The following SHISAL1 variants were observed in gnomAD, a reference collection of about 807,000 sequenced individuals.
SHISAL1 encodes the protein protein shisa-like-1.
SHISAL1 carries 9 observed loss-of-function variants against 22.6 expected under a neutral mutation model. That is an observed-to-expected ratio of 0.40 (90% CI 0.24 to 0.70). The LOEUF (loss-of-function observed/expected upper bound fraction) is 0.70, where lower values mean the gene tolerates loss of function less well. SHISAL1 is among the 30% of genes least tolerant of loss of function. The probability of loss-of-function intolerance (pLI) is 0.39; values close to 1 mark genes in which losing one functional copy is unlikely to be tolerated. For missense variants in SHISAL1, 246 were observed against 270.6 expected (o/e 0.91, Z 0.64); for synonymous variants, 119 against 115.4 (o/e 1.03, Z -0.20).
At chr22:44,263,079 C>CTTTATT (rs55901041) in intron 4 of SHISAL1, among the ~76,000 whole-genome samples, 1 of 88,252 alleles carries the variant, frequency 1.1e-5, no homozygotes, top group Admixed American at 1.4e-4. Context: ...TTCTTTCTTT[C>CTTTATT]TTTTTTTTTT....
chr22:44,289,459 A>G (rs2147293729), intron 3 of SHISAL1, among the ~76,000 whole-genome samples: 1 of 123,522 alleles, frequency 8.1e-6, no homozygotes, highest in African/African-American at 3.1e-5. Context: ...TCAGTGTGTC[A>G]TTGTAAATGT....
At chr22:44,301,987 T>C (rs1601802816) in intron 1 of SHISAL1, among the ~76,000 whole-genome samples, 4 of 151,992 alleles carry the variant, frequency 2.6e-5, no homozygotes, top group East Asian at 1.9e-4. Flanking sequence ...TGGAGGTGCA[T>C]GGTGGGGAGG....
At chr22:44,291,236 A>G (rs1164778426) in intron 3 of SHISAL1, among the ~76,000 whole-genome samples, 1 of 152,218 alleles carries the variant, frequency 6.6e-6, no homozygotes, top group Admixed American at 6.5e-5. Flanking sequence ...TGCTTTACAC[A>G]TAGAACCAAA....
chr22:44,328,091 G>A, the SHISAL1 span, among the ~76,000 whole-genome samples: 42 of 152,146 alleles, frequency 2.8e-4, no homozygotes, highest in Non-Finnish European at 5.6e-4. Flanking sequence ...AAGAAGGGAG[G>A]GGATAGCTTT....
At chr22:44,287,774 G>C (rs75308620) in intron 3 of SHISAL1, among the ~76,000 whole-genome samples, 8 of 152,276 alleles carry the variant, frequency 5.3e-5, no homozygotes, top group East Asian at 1.9e-4. Context: ...AGGTGTCCCC[G>C]GGGTAGATGT....
the SHISAL1 span, among the ~76,000 whole-genome samples, chr22:44,319,500 AG>A: frequency 6.6e-6 from 1 of 152,250 alleles, no homozygotes; most frequent in Non-Finnish European, 1.5e-5. Flanking sequence ...TCCCTCTCCC[AG>A]TGACAGGTGA....
intron 4 of SHISAL1, among the ~76,000 whole-genome samples, chr22:44,250,178 G>A (rs1248819202): frequency 2.0e-5 from 3 of 152,276 alleles, no homozygotes; most frequent in South Asian, 2.1e-4. Flanking sequence ...TTTTAATGTT[G>A]TTCCCCTTTT....
chr22:44,296,279 C>T (rs1400474427), intron 3 of SHISAL1, among the ~76,000 whole-genome samples: 1 of 152,168 alleles, frequency 6.6e-6, no homozygotes, highest in Non-Finnish European at 1.5e-5. Context: ...CCTGCCTCAG[C>T]CTCCTGAGTA....
At chr22:44,266,344 T>C (rs766621205) in intron 4 of SHISAL1, among the ~76,000 whole-genome samples, 6 of 150,006 alleles carry the variant, frequency 4.0e-5, no homozygotes, top group Non-Finnish European at 7.4e-5. Context: ...GCCACCTAGA[T>C]GGATGGGGAT....
At chr22:44,268,501 C>A (rs2055181215) in intron 4 of SHISAL1, among the ~76,000 whole-genome samples, 1 of 152,118 alleles carries the variant, frequency 6.6e-6, no homozygotes, top group Non-Finnish European at 1.5e-5. Flanking sequence ...ACACGGCCTG[C>A]CTGAGGTTAA....
chr22:44,258,840 G>A (rs1440852886), intron 4 of SHISAL1, among the ~76,000 whole-genome samples: 5 of 152,164 alleles, frequency 3.3e-5, no homozygotes, highest in South Asian at 2.1e-4. Context: ...TGCATAATTT[G>A]AGCATCACAC....
chr22:44,298,559 C>G (rs1173449245), intron 2 of SHISAL1, among the ~76,000 whole-genome samples: 1 of 152,222 alleles, frequency 6.6e-6, no homozygotes, highest in African/African-American at 2.4e-5. Context: ...GTGAGGAGGC[C>G]CTGCTCACGC....
the SHISAL1 span, among the ~76,000 whole-genome samples, chr22:44,320,745 G>A: frequency 2.6e-5 from 4 of 152,188 alleles, no homozygotes; most frequent in African/African-American, 4.8e-5. Flanking sequence ...GGACCTGCAG[G>A]TGATGGAGGA....
At chr22:44,277,132 G>A (rs933605327) in intron 4 of SHISAL1, among the ~76,000 whole-genome samples, 8 of 152,322 alleles carry the variant, frequency 5.3e-5, no homozygotes, top group African/African-American at 1.7e-4. Flanking sequence ...GCTTAGTCTG[G>A]TGGACCGTGA....
chr22:44,252,368 G>C (rs2055053853), intron 4 of SHISAL1, among the ~76,000 whole-genome samples: 2 of 152,096 alleles, frequency 1.3e-5, no homozygotes, highest in Non-Finnish European at 1.5e-5. Context: ...AATAAATGTT[G>C]TCTAGAGAAA....
chr22:44,313,986 G>A (rs1023656044), upstream of SHISAL1, among the ~76,000 whole-genome samples: 3 of 152,174 alleles, frequency 2.0e-5, no homozygotes, highest in African/African-American at 4.8e-5. Context: ...GGCTATGGGC[G>A]CCCAGAGTGC....
chr22:44,325,320 A>G, the SHISAL1 span, among the ~76,000 whole-genome samples: 4 of 151,530 alleles, frequency 2.6e-5, no homozygotes, highest in Admixed American at 2.0e-4. Flanking sequence ...GGGACTTGGG[A>G]TGATGCCAGG....
At chr22:44,305,869 G>A (rs1353298188) in intron 1 of SHISAL1, among the ~76,000 whole-genome samples, 2 of 152,190 alleles carry the variant, frequency 1.3e-5, no homozygotes, top group African/African-American at 4.8e-5. Flanking sequence ...TCTGGATGAA[G>A]GGGTCTGGGG....
rs1026536523 is a variant in SHISAL1 at position 44,312,207 on chromosome 22, A to G, written c.-33+544T>C. On this transcript the variant is annotated intron_variant, in intron 1 of 4. Transcript: ENST00000381176. ...GGCCAATGCATTCATTTGTTCGTTC[A>G]TTCATTCATTCATTCATCTATTCAC... 3.7e-4 allele frequency among the ~76,000 whole-genome samples: 57 copies of G among 152,274 alleles called. 1 individual carries two copies. Among genetic ancestry groups the G allele is most frequent in the African/African-American group, 1.2e-3 (50 of 41,544 alleles).
Sources: gnomAD v4.1 joint callset for allele counts (sites outside exome capture counted in the v4.1 genomes callset) on GRCh38, gnomAD v4.1.1 for gene constraint, MANE v1.5 for transcripts, NCBI Gene and HGNC (gene_info 2026-07-23, HGNC 2026-07-21) for gene names.